DGKB: variants seen among roughly 807,000 people sequenced by gnomAD.
DGKB encodes 90 kDa diacylglycerol kinase.
In DGKB, 67 loss-of-function variants were observed where a neutral mutation model predicts 114.3. That is an observed-to-expected ratio of 0.59 (90% CI 0.48 to 0.72). The LOEUF (loss-of-function observed/expected upper bound fraction) is 0.72. Among genes scored for constraint, DGKB ranks in the 30% least tolerant of loss-of-function variants. The pLI, the probability that DGKB is intolerant of heterozygous loss-of-function variation, is 0.00. For missense variants in DGKB, 907 were observed against 975.2 expected (o/e 0.93, Z 0.93); for synonymous variants, 398 against 323.1 (o/e 1.23, Z -2.49).
chr7:14,351,425 G>A (rs921765881), intron 21 of DGKB, among the ~76,000 whole-genome samples: 5 of 152,148 alleles, frequency 3.3e-5, no homozygotes, highest in South Asian at 2.1e-4. Flanking sequence ...GAGCCTGGTC[G>A]GCAAACGAGC....
intron 25 of DGKB, among the ~76,000 whole-genome samples, chr7:14,154,136 G>GGAGT (rs1303417943): frequency 4.7e-5 from 7 of 148,696 alleles, no homozygotes; most frequent in Admixed American, 2.7e-4. Context: ...ATAAACAAAA[G>GGAGT]GAGTGTGGAT....
At chr7:14,282,688 G>A (rs201976690) in intron 23 of DGKB, among the ~76,000 whole-genome samples, 25,233 of 150,298 alleles carry the variant, frequency 0.17, 2,624 homozygotes, top group Non-Finnish European at 0.24. Context: ...TTCATCCCTG[G>A]GATGCAAGGC....
intron 23 of DGKB, among the ~76,000 whole-genome samples, chr7:14,253,508 A>C (rs1206679866): frequency 6.6e-6 from 1 of 152,212 alleles, no homozygotes; most frequent in Non-Finnish European, 1.5e-5. Flanking sequence ...CCTATTGCCT[A>C]ATCTTAATAA....
chr7:14,704,134 A>C (rs1037329731), intron 6 of DGKB, among the ~76,000 whole-genome samples: 4 of 151,962 alleles, frequency 2.6e-5, no homozygotes, highest in Non-Finnish European at 5.9e-5. Flanking sequence ...ATTGAATATA[A>C]CATTTAGAAA....
chr7:14,701,781 GTTAGT>G (rs1825229866), intron 6 of DGKB, 51 bp from the exon 7 acceptor site: 1 of 1,267,158 alleles, frequency 7.9e-7, no homozygotes, highest in Non-Finnish European at 1.2e-6. Context: ...TAAGATCAAT[GTTAGT>G]TTAAAGTATA....
At chr7:14,229,038 T>C (rs550783460) in intron 23 of DGKB, among the ~76,000 whole-genome samples, 1 of 151,962 alleles carries the variant, frequency 6.6e-6, no homozygotes, top group Non-Finnish European at 1.5e-5. Flanking sequence ...ACAAAACCAA[T>C]GTATATGTAT....
intron 21 of DGKB, among the ~76,000 whole-genome samples, chr7:14,431,608 C>T (rs1828459371): frequency 6.6e-6 from 1 of 151,968 alleles, no homozygotes; most frequent in Admixed American, 6.6e-5. Context: ...CTCTAGGTGC[C>T]TTAATGAATA....
chr7:14,709,990 GAAAAAA>G (rs879334993), intron 6 of DGKB, among the ~76,000 whole-genome samples: 5 of 139,482 alleles, frequency 3.6e-5, no homozygotes, highest in African/African-American at 1.3e-4. Context: ...GAAAAGAAAA[GAAAAAA>G]AAAAGAAAAT....
chr7:14,359,661 A>G (rs922381888), intron 21 of DGKB, among the ~76,000 whole-genome samples: 2 of 152,222 alleles, frequency 1.3e-5, no homozygotes, highest in African/African-American at 2.4e-5. Context: ...GGCAAAGGAT[A>G]TGAACAGACA....
chr7:14,584,427 G>A (rs568887847), intron 17 of DGKB, among the ~76,000 whole-genome samples: 1 of 152,168 alleles, frequency 6.6e-6, no homozygotes, highest in African/African-American at 2.4e-5. Context: ...TGTCAAATAT[G>A]CAAGGATTCA....
chr7:14,164,226 T>C (rs919921955), intron 25 of DGKB, among the ~76,000 whole-genome samples: 2 of 152,196 alleles, frequency 1.3e-5, no homozygotes, highest in Admixed American at 6.5e-5. Flanking sequence ...TCACTAAAAA[T>C]ACACGTTCTT....
chr7:14,383,169 G>A (rs1029440675), intron 21 of DGKB, among the ~76,000 whole-genome samples: 2 of 152,052 alleles, frequency 1.3e-5, no homozygotes, highest in Admixed American at 6.6e-5. Context: ...ATAATGGATT[G>A]TTTTAATCTC....
chr7:14,652,122 CT>C (rs1258546286), intron 13 of DGKB, among the ~76,000 whole-genome samples: 4 of 129,818 alleles, frequency 3.1e-5, no homozygotes, highest in Non-Finnish European at 6.6e-5. Flanking sequence ...CTACCAATGA[CT>C]TTCTTCACAG....
At chr7:14,298,833 A>G (rs1803021928) in intron 23 of DGKB, among the ~76,000 whole-genome samples, 1 of 152,220 alleles carries the variant, frequency 6.6e-6, no homozygotes, top group African/African-American at 2.4e-5. Context: ...AAAGAACTTA[A>G]ACAAATTTAC....
At chr7:14,467,530 A>T (rs1780660309) in intron 21 of DGKB, among the ~76,000 whole-genome samples, 1 of 152,090 alleles carries the variant, frequency 6.6e-6, no homozygotes, top group Non-Finnish European at 1.5e-5. Context: ...TGTAATTATT[A>T]TGCTGACTGA....
intron 21 of DGKB, among the ~76,000 whole-genome samples, chr7:14,466,084 G>A (rs2128877913): frequency 6.6e-6 from 1 of 152,236 alleles, no homozygotes; most frequent in Non-Finnish European, 1.5e-5. Context: ...CTACTTCCAG[G>A]GATCATAAAC....
At chr7:14,369,261 C>T (rs28790382) in intron 21 of DGKB, among the ~76,000 whole-genome samples, 457 of 152,138 alleles carry the variant, frequency 3.0e-3, no homozygotes, top group African/African-American at 0.011. Context: ...CATCCTTTTT[C>T]GTGGCTGCAT....
chr7:14,509,429 T>G lies in DGKB; in HGVS notation c.1771-31204A>C, dbSNP rs62443493. ...GGGAGATAACACTCCCTTGAAGCAGTGGAGTATAATCAAACATCTTGGCTC... is the reference window on the plus strand; with the variant it reads ...GGGAGATAACACTCCCTTGAAGCAGGGGAGTATAATCAAACATCTTGGCTC... On this transcript the variant is annotated intron_variant, in intron 20 of 25. Coordinates refer to ENST00000402815, the MANE Select transcript of DGKB (RefSeq NM_001350709.2). Among the ~76,000 whole-genome samples, 805 of 152,256 alleles carry G rather than the reference T, an allele frequency of 5.3e-3. 5 individuals are homozygous for G. The highest frequency in any genetic ancestry group is 0.017 in the Middle Eastern group (5 of 294).
intron 23 of DGKB, among the ~76,000 whole-genome samples, chr7:14,181,488 T>G (rs1266067389): frequency 6.6e-6 from 1 of 152,254 alleles, no homozygotes; most frequent in East Asian, 1.9e-4. Flanking sequence ...ATTGGTTATT[T>G]ATCACGGAAC....
Sources: allele counts gnomAD v4.1 joint callset (sites outside exome capture counted in the v4.1 genomes callset), GRCh38; gene constraint gnomAD v4.1.1; transcripts MANE v1.5; gene names NCBI Gene and HGNC (gene_info 2026-07-23, HGNC 2026-07-21).